Variants in CHUK observed in about 807,000 individuals in gnomAD.
The protein encoded by CHUK is inhibitor of nuclear factor kappa-B kinase subunit alpha.
A neutral mutation model predicts 104.8 loss-of-function variants in CHUK; 35 were observed. The ratio of observed to expected loss-of-function variants is 0.33; its 90% CI spans 0.26 to 0.44. The LOEUF is 0.44. Ranked by LOEUF, CHUK falls within the 20% of genes least tolerant of loss-of-function variation. The probability of loss-of-function intolerance (pLI) is 1.00; values close to 1 mark genes in which losing one functional copy is unlikely to be tolerated. For synonymous variants in CHUK, 276 were observed against 291.9 expected, an observed-to-expected ratio of 0.95 and a Z score of 0.56; for missense variants, 663 against 902.7, an observed-to-expected ratio of 0.73 and a Z score of 3.40.
chr10:100,194,764 C>T (rs1449025999), intron 16 of CHUK: 1 of 314,534 alleles, frequency 3.2e-6, no homozygotes, highest in Middle Eastern at 1.0e-3. Context: ...AGTAAGAGAC[C>T]TTAGTTGCCT....
chr10:100,186,385 T>G, downstream of CHUK: 1 of 228,770 alleles, frequency 4.4e-6, no homozygotes. Context: ...TGGCACGCAC[T>G]TGCTTCCGGC....
chr10:100,218,829 T>C lies in CHUK; in HGVS notation c.690-4A>G. ...CTTCTTCTTAATCTTCTCATGCCTA[T>C]AAAATCAAAAGCTACCTCAGTTGAC... On this transcript the variant is annotated splice_polypyrimidine_tract_variant and splice_region_variant and intron_variant, in intron 7 of 20. Transcript: ENST00000370397. The C allele has an allele frequency of 1.9e-6, 3 of 1,607,474 alleles. No individual in the cohort carries two copies. The highest frequency in any genetic ancestry group is 2.6e-6 in the Non-Finnish European group (3 of 1,174,130).
At chr10:100,214,472 A>T (rs1347031924) in intron 9 of CHUK, among the ~76,000 whole-genome samples, 1 of 152,242 alleles carries the variant, frequency 6.6e-6, no homozygotes, top group Non-Finnish European at 1.5e-5. Flanking sequence ...GGCACTTCAT[A>T]AAGGAGGCAC....
chr10:100,202,103 G>A lies in CHUK; in HGVS notation c.1554C>T (p.Ala518=), dbSNP rs1342604285. 1.9e-6 allele frequency: 3 copies of A among 1,611,586 alleles called. No homozygotes were observed. Among genetic ancestry groups the A allele is most frequent in the Admixed American group, 1.7e-5 (1 of 59,996 alleles). Residue 518 remains alanine, a synonymous_variant, in exon 14 of 21, where the codon GCC becomes GCT. Transcript: ENST00000370397. The stretch of plus-strand genomic sequence containing the variant: ...ATGATTTTACCTCAGCATAGTGGAT[G>A]GCCTTTTCTTCCATTTCTTTCCATG... ...LKAWKEMEEK[A]IHYAEVGVIG...
chr10:100,189,766 A>T (rs1845150323), intron 20 of CHUK, 139 bp from the exon 21 acceptor site: 1 of 597,660 alleles, frequency 1.7e-6, no homozygotes, highest in African/African-American at 1.9e-5. Flanking sequence ...TTATTTCCTG[A>T]TTTAAAAAAA....
At chr10:100,209,176 T>C (rs1038493114) in intron 10 of CHUK, among the ~76,000 whole-genome samples, 14 of 152,224 alleles carry the variant, frequency 9.2e-5, no homozygotes, top group South Asian at 2.1e-4. Flanking sequence ...AACTTACACA[T>C]AGACATATAG....
At chr10:100,189,659 A>T in intron 20 of CHUK, 32 bp from the exon 21 acceptor site, 1 of 1,558,182 alleles carries the variant, frequency 6.4e-7, no homozygotes, top group Non-Finnish European at 8.9e-7. Flanking sequence ...TTACAATTAG[A>T]TGTTGACTAT....
At chr10:100,210,069 T>C (rs1242270411) in intron 9 of CHUK, among the ~76,000 whole-genome samples, 7 of 131,342 alleles carry the variant, frequency 5.3e-5, no homozygotes, top group African/African-American at 1.4e-4. Context: ...AACAAGTTAT[T>C]TATTTATTTA....
chr10:100,213,392 G>C (rs950080154), intron 9 of CHUK, among the ~76,000 whole-genome samples: 1 of 151,614 alleles, frequency 6.6e-6, no homozygotes, highest in Non-Finnish European at 1.5e-5. Context: ...GCTGAGGCAC[G>C]AGAGAATCAC....
At chr10:100,190,076 C>T in intron 20 of CHUK, 1 of 156,608 alleles carries the variant, frequency 6.4e-6, no homozygotes, top group Non-Finnish European at 1.4e-5. Flanking sequence ...GGCTGGAGTG[C>T]AATGGCAGGA....
chr10:100,213,977 G>A (rs2134237036), intron 9 of CHUK, among the ~76,000 whole-genome samples: 1 of 152,214 alleles, frequency 6.6e-6, no homozygotes, highest in South Asian at 2.1e-4. Flanking sequence ...GGGGAGTAGG[G>A]AAATCTTCAA....
At chr10:100,195,594 TC>T (rs1449696506) in intron 16 of CHUK, 3 of 152,286 alleles carry the variant, frequency 2.0e-5, no homozygotes, top group Admixed American at 1.3e-4. Flanking sequence ...TATAACTAGC[TC>T]CTTAAGACAG....
intron 20 of CHUK, 37 bp downstream of exon 20, chr10:100,190,832 T>G (rs1172826825): frequency 1.7e-6 from 2 of 1,196,152 alleles, no homozygotes; most frequent in Non-Finnish European, 2.5e-6. Context: ...GCACCCAACA[T>G]AGCCAAAGCA....
rs967420314 is a variant in CHUK, at chr10:100,227,254, T to C, written c.106-1237A>G. 1.2e-4 allele frequency among the ~76,000 whole-genome samples: 19 copies of C among 152,348 alleles called. 1 individual carries two copies. In the Middle Eastern group the frequency reaches 0.014, roughly 109 times the overall value. ...GAATATTCTATGGGAAGTTTATAGA[T>C]GTACAACAACAACAAAAAAGTCGGA... On this transcript the variant is annotated intron_variant, in intron 1 of 20. Transcript: ENST00000370397.
In CHUK at chr10:100,191,395, G is replaced by C. The variant is rs569020434; in HGVS notation, c.2109-427C>G. 2.6e-5 allele frequency among the ~76,000 whole-genome samples: 4 copies of C among 152,290 alleles called. No individual in the cohort carries two copies. The South Asian group carries it at 6.2e-4, about 24-fold the overall frequency. On this transcript the variant is annotated intron_variant, in intron 19 of 20. Coordinates refer to ENST00000370397, the MANE Select transcript of CHUK (RefSeq NM_001278.5). ...CATACTTCACAGACACAAATGTAGG[G>C]GAGAAGAGAGAAAAGTAAAATCTGT...
rs1845120844 is a variant in CHUK, at chr10:100,188,409, A to G, written c.*1189T>C. ...AATACACAAAGTGAAAAACTATTAG[A>G]ATATAAAAGCATTTCACATTTTTTA... On this transcript the variant is annotated 3_prime_UTR_variant, in exon 21 of 21. Transcript: ENST00000370397. 6.5e-6 allele frequency: 1 copy of G among 152,672 alleles called. No individual in the cohort carries two copies. The highest frequency in any genetic ancestry group is 2.1e-4 in the South Asian group (1 of 4,836). 9.5% of individuals were successfully genotyped at this position (152,672 alleles called of 1,614,324 possible). A position where few individuals can be genotyped will look rare whatever the true frequency, so the allele number is the denominator to read the frequency against.
chr10:100,228,989 G>GCGCGCACACACACACACA (rs1554900450), intron 1 of CHUK, among the ~76,000 whole-genome samples: 1 of 73,768 alleles, frequency 1.4e-5, no homozygotes, highest in African/African-American at 4.3e-5. Flanking sequence ...GCGCGCGCGC[G>GCGCGCACACACACACACA]CGCGCACACA....
chr10:100,223,260 T>C (rs1846031126), intron 2 of CHUK, among the ~76,000 whole-genome samples: 1 of 152,052 alleles, frequency 6.6e-6, no homozygotes, highest in Non-Finnish European at 1.5e-5. Context: ...AATCCTATTA[T>C]AGGTAGATTT....
chr10:100,219,979 TCAACACAAGGTTCAGACTCTTGG>T (rs1845948219), intron 5 of CHUK, among the ~76,000 whole-genome samples: 1 of 152,082 alleles, frequency 6.6e-6, no homozygotes, highest in Admixed American at 6.5e-5. Flanking sequence ...CACACACAAC[TCAACACAAGGTTCAGACTCTTGG>T]CCTTTAAGTC....
Sources: allele counts gnomAD v4.1 joint callset (sites outside exome capture counted in the v4.1 genomes callset), GRCh38; gene constraint gnomAD v4.1.1; transcripts MANE v1.5; gene names NCBI Gene and HGNC (gene_info 2026-07-23, HGNC 2026-07-21).